The following LRP1B variants were observed in gnomAD, a reference collection of about 807,000 sequenced individuals.
LRP1B encodes LDL receptor related protein 1B, also known as low-density lipoprotein receptor-related protein 1B.
A neutral mutation model predicts 556.6 loss-of-function variants in LRP1B; 217 were observed. That is an observed-to-expected ratio of 0.39 (90% CI 0.35 to 0.44). The LOEUF is 0.44. Among genes scored for constraint, LRP1B ranks in the 20% least tolerant of loss-of-function variants. LRP1B has a pLI of 1.00. For synonymous variants in LRP1B, 2,047 were observed against 1,865.8 expected (o/e 1.10, Z -2.50); for missense variants, 5,053 against 5,620.8 (o/e 0.90, Z 3.23).
At chr2:140,296,203 A>G (rs1284608119) in intron 84 of LRP1B, among the ~76,000 whole-genome samples, 1 of 152,168 alleles carries the variant, frequency 6.6e-6, no homozygotes, top group Non-Finnish European at 1.5e-5. Flanking sequence ...TAATGAGGGC[A>G]GAAGATTAGT....
At chr2:141,581,212 C>G (rs1185893723) in intron 2 of LRP1B, among the ~76,000 whole-genome samples, 1 of 152,188 alleles carries the variant, frequency 6.6e-6, no homozygotes, top group Non-Finnish European at 1.5e-5. Context: ...CTCTCTGACA[C>G]TGCTCCCGAT....
At chr2:141,899,904 C>T (rs1258017452) in intron 1 of LRP1B, among the ~76,000 whole-genome samples, 2 of 151,940 alleles carry the variant, frequency 1.3e-5, no homozygotes, top group Non-Finnish European at 2.9e-5. Context: ...AAATCTCTAC[C>T]CCCTGCTTGG....
intron 26 of LRP1B, 67 bp downstream of exon 26, chr2:140,868,032 A>C: frequency 6.7e-7 from 1 of 1,490,830 alleles, no homozygotes; most frequent in Non-Finnish European, 9.0e-7. Context: ...ATGTTAGGAC[A>C]CTTTCCAATG....
chr2:141,244,653 G>A (rs1013491847), intron 5 of LRP1B, among the ~76,000 whole-genome samples: 1 of 152,056 alleles, frequency 6.6e-6, no homozygotes, highest in African/African-American at 2.4e-5. Flanking sequence ...TATAACTGAA[G>A]CCAAAAGTAT....
intron 11 of LRP1B, among the ~76,000 whole-genome samples, chr2:141,032,826 C>CATATATATATATATATATATATATAT (rs71391641): frequency 0.02 from 2,506 of 126,032 alleles, 51 homozygotes; most frequent in African/African-American, 0.029. Context: ...TATATACATA[C>CATATATATATATATATATATATATAT]ATATATATAT....
chr2:140,573,957 G>A (rs1681422786), intron 43 of LRP1B, among the ~76,000 whole-genome samples: 1 of 151,916 alleles, frequency 6.6e-6, no homozygotes. Context: ...GCTTCTTATG[G>A]CCTATAAATA....
intron 3 of LRP1B, among the ~76,000 whole-genome samples, chr2:141,454,214 AC>A (rs1461315998): frequency 6.6e-6 from 1 of 152,240 alleles, no homozygotes; most frequent in Non-Finnish European, 1.5e-5. Context: ...AATTTTGTAC[AC>A]CACTTGGTCA....
chr2:141,481,991 G>C (rs1682934816), intron 2 of LRP1B, among the ~76,000 whole-genome samples: 1 of 151,986 alleles, frequency 6.6e-6, no homozygotes, highest in Non-Finnish European at 1.5e-5. Context: ...TCCTGAAAAA[G>C]AAAGCTCAAA....
chr2:140,923,967 C>A (rs1453781670), intron 20 of LRP1B, among the ~76,000 whole-genome samples: 1 of 151,884 alleles, frequency 6.6e-6, no homozygotes, highest in Non-Finnish European at 1.5e-5. Flanking sequence ...GTTTTAAGAT[C>A]TAATGAGATA....
intron 3 of LRP1B, among the ~76,000 whole-genome samples, chr2:141,342,035 G>T (rs1688079500): frequency 6.6e-6 from 1 of 151,772 alleles, no homozygotes; most frequent in Non-Finnish European, 1.5e-5. Flanking sequence ...ACGAGGTCAG[G>T]AGATCAAGAC....
At chr2:141,063,486 T>C (rs1699395745) in intron 7 of LRP1B, among the ~76,000 whole-genome samples, 1 of 151,856 alleles carries the variant, frequency 6.6e-6, no homozygotes, top group African/African-American at 2.4e-5. Flanking sequence ...TATCATAAGT[T>C]AAAAATGATT....
Position 140,556,738 on chromosome 2 carries a change from A to AG in LRP1B, c.7195-14768_7195-14767insC, listed in dbSNP as rs951068526. Among the ~76,000 whole-genome samples the AG allele has an allele frequency of 6.6e-5, 10 of 151,756 alleles. No individual in the cohort carries two copies. The East Asian group carries it at 1.9e-3, about 30-fold the overall frequency. ...TGCCAACCAAAACAAACAAATTTAAAAAAAAAACAATTTTTTTTCAGTGTC... is the reference window on the plus strand; with the variant it reads ...TGCCAACCAAAACAAACAAATTTAAAGAAAAAAACAATTTTTTTTCAGTGTC... On this transcript the variant is annotated intron_variant, in intron 43 of 90. Coordinates refer to ENST00000389484, the MANE Select transcript of LRP1B (RefSeq NM_018557.3).
intron 7 of LRP1B, among the ~76,000 whole-genome samples, chr2:141,149,933 A>T (rs955625743): frequency 6.6e-6 from 1 of 152,184 alleles, no homozygotes; most frequent in African/African-American, 2.4e-5. Flanking sequence ...GGCCAACTGA[A>T]ATAAATTGGT....
At chr2:140,244,237 TATAAC>T (rs1009751893) in intron 87 of LRP1B, among the ~76,000 whole-genome samples, 20 of 151,260 alleles carry the variant, frequency 1.3e-4, no homozygotes, top group African/African-American at 2.7e-4. Context: ...CCTGGTATAA[TATAAC>T]CAGTTTTTTT....
chr2:141,765,725 G>T (rs551952908), intron 2 of LRP1B, among the ~76,000 whole-genome samples: 1 of 152,276 alleles, frequency 6.6e-6, no homozygotes, highest in Admixed American at 6.5e-5. Flanking sequence ...CAGTTTCAAA[G>T]GGAGCAAAGG....
At chr2:140,301,225 A>G (rs905755991) in intron 83 of LRP1B, among the ~76,000 whole-genome samples, 5 of 152,092 alleles carry the variant, frequency 3.3e-5, no homozygotes, top group Non-Finnish European at 7.4e-5. Context: ...CTACAACAGC[A>G]AACAAACCAA....
intron 2 of LRP1B, among the ~76,000 whole-genome samples, chr2:141,795,245 G>A (rs1475693120): frequency 6.6e-6 from 1 of 152,052 alleles, no homozygotes; most frequent in Non-Finnish European, 1.5e-5. Flanking sequence ...GTTAAGCAAG[G>A]TGAGTACCAT....
At chr2:140,739,022 G>A (rs1688044796) in intron 35 of LRP1B, among the ~76,000 whole-genome samples, 1 of 152,164 alleles carries the variant, frequency 6.6e-6, no homozygotes, top group Admixed American at 6.5e-5. Flanking sequence ...TCTGTGTCCA[G>A]TGGAGCATGT....
chr2:141,955,992 C>T (rs1261322905), intron 1 of LRP1B, among the ~76,000 whole-genome samples: 1 of 151,926 alleles, frequency 6.6e-6, no homozygotes, highest in Non-Finnish European at 1.5e-5. Flanking sequence ...TCCCTTGAGG[C>T]CAGGAGTTTG....
Sources: gnomAD v4.1 joint callset for allele counts (sites outside exome capture counted in the v4.1 genomes callset) on GRCh38, gnomAD v4.1.1 for gene constraint, MANE v1.5 for transcripts, NCBI Gene and HGNC (gene_info 2026-07-23, HGNC 2026-07-21) for gene names.